HSPA12A: variants seen among roughly 807,000 people sequenced by gnomAD.
HSPA12A encodes heat shock protein family A (Hsp70) member 12A.
In HSPA12A, 28 loss-of-function variants were observed where a neutral mutation model predicts 69.2. The observed-to-expected ratio is 0.40, with a 90% CI of 0.30 to 0.55. HSPA12A has a LOEUF of 0.55. HSPA12A is among the 20% of genes least tolerant of loss of function. The pLI is 0.38. For missense variants in HSPA12A, 686 were observed against 900.7 expected (o/e 0.76, Z 3.05); for synonymous variants, 345 against 370.5 (o/e 0.93, Z 0.79).
intron 1 of HSPA12A, among the ~76,000 whole-genome samples, chr10:116,716,446 T>TGGG (rs1453013094): frequency 2.3e-5 from 1 of 42,974 alleles, no homozygotes; most frequent in African/African-American, 1.1e-4. Flanking sequence ...AGGTGTGTGT[T>TGGG]GGGGGGTGGG....
At chr10:116,711,739 C>A (rs931121568) in intron 1 of HSPA12A, among the ~76,000 whole-genome samples, 3 of 150,516 alleles carry the variant, frequency 2.0e-5, no homozygotes, top group African/African-American at 7.3e-5. Flanking sequence ...TCTCGGCTCA[C>A]TGCAAGCTCC....
At chr10:116,746,900 A>T (rs530994945), upstream of HSPA12A, among the ~76,000 whole-genome samples, 53 of 152,350 alleles carry the variant, frequency 3.5e-4, no homozygotes, top group Non-Finnish European at 6.9e-4. Context: ...CTGCCCGTCA[A>T]AGCTGCTTTG....
At chr10:116,725,579 AG>A (rs1413918662) in intron 1 of HSPA12A, among the ~76,000 whole-genome samples, 2 of 152,138 alleles carry the variant, frequency 1.3e-5, no homozygotes, top group African/African-American at 4.8e-5. Context: ...ATTCTCTCCA[AG>A]GAAGACATCA....
At chr10:116,717,266 C>G (rs1850635163) in intron 1 of HSPA12A, among the ~76,000 whole-genome samples, 1 of 152,154 alleles carries the variant, frequency 6.6e-6, no homozygotes, top group South Asian at 2.1e-4. Context: ...CCTGCACGTT[C>G]CCAGTGCCAC....
chr10:116,703,193 C>CGGCTTTTCA (rs1850131353), intron 3 of HSPA12A, among the ~76,000 whole-genome samples: 1 of 152,122 alleles, frequency 6.6e-6, no homozygotes, highest in African/African-American at 2.4e-5. Flanking sequence ...GCTATAGAAC[C>CGGCTTTTCA]GGCTTTTCAT....
chr10:116,707,153 GCACACACACACACACACA>G, intron 2 of HSPA12A, 29 bp downstream of exon 2: 2 of 583,074 alleles, frequency 3.4e-6, no homozygotes, highest in African/African-American at 2.5e-5. Flanking sequence ...ACCCATGCGC[GCACACACACACACACACA>G]CACACACACA....
At chr10:116,806,047 A>G (rs920655803) in intron 2 of HSPA12A, among the ~76,000 whole-genome samples, 1 of 152,180 alleles carries the variant, frequency 6.6e-6, no homozygotes, top group Non-Finnish European at 1.5e-5. Context: ...GAAGGCAGAG[A>G]TGAAAACCCA....
intron 5 of HSPA12A, among the ~76,000 whole-genome samples, chr10:116,696,317 C>T (rs1849901860): frequency 6.6e-6 from 1 of 152,160 alleles, no homozygotes; most frequent in South Asian, 2.1e-4. Flanking sequence ...TTGTAATAAT[C>T]CCCACGTGTC....
At chr10:116,810,413 AG>A (rs1210964954) in intron 2 of HSPA12A, among the ~76,000 whole-genome samples, 1 of 152,010 alleles carries the variant, frequency 6.6e-6, no homozygotes, top group East Asian at 1.9e-4. Flanking sequence ...GATTTAGACG[AG>A]GGTTTTTTCT....
At chr10:116,844,867 C>T (rs1462355798) in intron 1 of HSPA12A, among the ~76,000 whole-genome samples, 1 of 152,190 alleles carries the variant, frequency 6.6e-6, no homozygotes, top group African/African-American at 2.4e-5. Flanking sequence ...AAAAAATGAA[C>T]AAATACGTCT....
rs1248176074 is a variant in HSPA12A, at chr10:116,710,942, T to C, written c.41-3657A>G. Among the ~76,000 whole-genome samples, 2 of 152,130 alleles carry C rather than the reference T, an allele frequency of 1.3e-5. No individual in the cohort carries two copies. Among genetic ancestry groups the C allele is most frequent in the African/African-American group, 4.8e-5 (2 of 41,424 alleles). ...AGCCTATCTCACCCCCTGAGGAGAA[T>C]GGGGAGTTTAATTCTGATGTGTCCC... On this transcript the variant is annotated intron_variant, in intron 1 of 11. Coordinates refer to ENST00000369209, the MANE Select transcript of HSPA12A (RefSeq NM_025015.3). This position sits in a 1 kb window ranked among gnomAD's most constrained non-coding sequence, Gnocchi z 4.1.
At chr10:116,770,012 G>T (rs781959695) in intron 2 of HSPA12A, among the ~76,000 whole-genome samples, 9 of 152,168 alleles carry the variant, frequency 5.9e-5, no homozygotes, top group South Asian at 2.1e-4. Context: ...AAGGTCATTT[G>T]GGCCATTCCT....
At chr10:116,848,390 T>C (rs1845941211) in intron 1 of HSPA12A, among the ~76,000 whole-genome samples, 1 of 152,260 alleles carries the variant, frequency 6.6e-6, no homozygotes. Context: ...CATACGTGCA[T>C]GTATTGAAAA....
intron 10 of HSPA12A, among the ~76,000 whole-genome samples, chr10:116,679,020 T>C (rs1554878206): frequency 6.6e-6 from 1 of 152,216 alleles, no homozygotes; most frequent in Non-Finnish European, 1.5e-5. Context: ...TTAAACCGTC[T>C]TCTAAATATA....
intron 2 of HSPA12A, among the ~76,000 whole-genome samples, chr10:116,785,416 A>G (rs2420334): frequency 0.73 from 111,619 of 151,890 alleles, 41,324 homozygotes; most frequent in South Asian, 0.83. Context: ...GGGAGCTGAG[A>G]GCAGTCCTGG....
intron 9 of HSPA12A, among the ~76,000 whole-genome samples, chr10:116,680,319 T>TA (rs1849366294): frequency 2.6e-5 from 4 of 152,148 alleles, no homozygotes; most frequent in South Asian, 4.1e-4. Flanking sequence ...ATTACATTTT[T>TA]TAAAAAATCA....
chr10:116,849,740 C>A, exon 1 of HSPA12A: 1 of 1,503,862 alleles, frequency 6.6e-7, no homozygotes. Context: ...TGGTAGGGAC[C>A]TGGGACAAGC....
At chr10:116,785,568 C>CA (rs1393416169) in intron 2 of HSPA12A, among the ~76,000 whole-genome samples, 1 of 152,142 alleles carries the variant, frequency 6.6e-6, no homozygotes, top group African/African-American at 2.4e-5. Flanking sequence ...CAGGGGTCAG[C>CA]AGGTGCCCAC....
chr10:116,773,367 C>G (rs905535976), intron 2 of HSPA12A, among the ~76,000 whole-genome samples: 3 of 152,276 alleles, frequency 2.0e-5, no homozygotes, highest in African/African-American at 7.2e-5. Context: ...GAACCCTCAG[C>G]TCTGGTCTGG....
Sources: allele counts gnomAD v4.1 joint callset (sites outside exome capture counted in the v4.1 genomes callset), GRCh38; gene constraint gnomAD v4.1.1; non-coding constraint Gnocchi (gnomAD v3.1); transcripts MANE v1.5; gene names NCBI Gene and HGNC (gene_info 2026-07-23, HGNC 2026-07-21).